Variants in NSFL1C observed in about 807,000 individuals in gnomAD.
The protein encoded by NSFL1C is NSFL1 cofactor p47.
In NSFL1C, 14 loss-of-function variants were observed where a neutral mutation model predicts 43.1. The observed-to-expected ratio is 0.32, with a 90% CI of 0.21 to 0.51. The LOEUF (loss-of-function observed/expected upper bound fraction) is 0.51. NSFL1C is among the 20% of genes least tolerant of loss of function. The pLI, the probability that NSFL1C is intolerant of heterozygous loss-of-function variation, is 0.98. For synonymous variants in NSFL1C, 171 were observed against 183.5 expected (o/e 0.93, Z 0.55); for missense variants, 406 against 472.5 (o/e 0.86, Z 1.30).
At chr20:1,463,027 G>C (rs1792081415) in intron 2 of NSFL1C, among the ~76,000 whole-genome samples, 1 of 152,144 alleles carries the variant, frequency 6.6e-6, no homozygotes, top group Admixed American at 6.5e-5. Context: ...AGGAAAATGA[G>C]GAACTGAAAC....
chr20:1,455,992 T>C (rs555169050), intron 3 of NSFL1C: 2 of 501,720 alleles, frequency 4.0e-6, no homozygotes, highest in Admixed American at 3.2e-5. Context: ...TACTTTTTTA[T>C]ATGGGCCTGA....
At chr20:1,455,604 G>T in intron 3 of NSFL1C, 3 of 774,716 alleles carry the variant, frequency 3.9e-6, no homozygotes. Flanking sequence ...AAGCAGCTAG[G>T]CTCCAGTCTT....
In NSFL1C at chr20:1,466,819, C is replaced by G; in HGVS notation, c.6G>C (p.Ala2=). Residue 2 remains alanine, a synonymous_variant, in exon 1 of 9, where the codon GCG becomes GCC. Coordinates refer to ENST00000216879, the MANE Select transcript of NSFL1C (RefSeq NM_016143.5). ...CCCTCAGCGCCTCCTGTCGCTCCGC[C>G]GCCATCTTCGCCCCGTGCGCCTTCC... M[A]AERQEALREF... 1.3e-6 allele frequency: 2 copies of G among 1,539,120 alleles called. No individual in the cohort carries two copies. The highest frequency in any genetic ancestry group is 1.7e-6 in the Non-Finnish European group (2 of 1,144,994).
intron 1 of NSFL1C, among the ~76,000 whole-genome samples, chr20:1,465,911 A>T (rs2090500003): frequency 6.6e-6 from 1 of 152,346 alleles, no homozygotes; most frequent in East Asian, 1.9e-4. Context: ...TTAAATGACA[A>T]AAGACATGTA....
chr20:1,452,320 C>CA (rs2090197416), intron 7 of NSFL1C, among the ~76,000 whole-genome samples, 173 bp downstream of exon 7: 2 of 152,230 alleles, frequency 1.3e-5, no homozygotes, highest in Non-Finnish European at 2.9e-5. Flanking sequence ...GATATAAACT[C>CA]AGGTCTGTTA....
rs531317319 is a variant in NSFL1C, at chr20:1,442,892, G to T, written c.*857C>A. 2.0e-5 allele frequency: 3 copies of T among 152,252 alleles called. No individual in the cohort carries two copies. The South Asian group carries it at 6.2e-4, about 32-fold the overall frequency. 9.4% of individuals were successfully genotyped at this position (152,252 alleles called of 1,614,324 possible). ...GGCATTTTGACTGTTTATCTTATAG[G>T]GCAAGATACCCTGATTCTGAACTCA... On this transcript the variant is annotated 3_prime_UTR_variant, in exon 9 of 9. Transcript: ENST00000216879.
intron 7 of NSFL1C, among the ~76,000 whole-genome samples, chr20:1,449,761 A>G (rs879393680): frequency 1.3e-5 from 2 of 152,192 alleles, no homozygotes; most frequent in African/African-American, 2.4e-5. Context: ...TACAGGGGGA[A>G]TAAACTGGCA....
At chr20:1,461,146 T>G (rs1033237300) in intron 2 of NSFL1C, among the ~76,000 whole-genome samples, 1 of 152,214 alleles carries the variant, frequency 6.6e-6, no homozygotes, top group Non-Finnish European at 1.5e-5. Context: ...AGAGCTTTGG[T>G]GACTGCTCCT....
At chr20:1,457,722 T>C (rs540823623) in intron 3 of NSFL1C, among the ~76,000 whole-genome samples, 1 of 152,374 alleles carries the variant, frequency 6.6e-6, no homozygotes, top group Non-Finnish European at 1.5e-5. Context: ...GTTAGCATAA[T>C]GTTCTCTATC....
intron 6 of NSFL1C, 77 bp from the exon 7 acceptor site, chr20:1,452,707 C>A: frequency 6.4e-7 from 1 of 1,563,220 alleles, no homozygotes; most frequent in Non-Finnish European, 8.7e-7. Context: ...GGAGAAGAAA[C>A]CTCTCAGTCC....
intron 7 of NSFL1C, among the ~76,000 whole-genome samples, chr20:1,448,554 T>C (rs951696751): frequency 6.6e-6 from 1 of 152,208 alleles, no homozygotes; most frequent in Non-Finnish European, 1.5e-5. Flanking sequence ...TGGACTTGGC[T>C]GTGTAGCTTC....
Position 1,464,370 on chromosome 20 carries a change from C to G in NSFL1C, c.162G>C (p.Ser54=). The change falls in exon 2 of 9, where the codon TCG becomes TCC. Residue 54 remains serine, a synonymous_variant. Transcript: ENST00000216879. Reference sequence around the variant, plus strand: ...TGGACACTGAACTGGGGGTTGCCTGCGAAATGGTCACAATGTCTTCATCCC... The same window carrying G: ...TGGACACTGAACTGGGGGTTGCCTGGGAAATGGTCACAATGTCTTCATCCC... ...DGGDEDIVTI[S]QATPSSVSRG... 1.2e-6 allele frequency: 2 copies of G among 1,614,240 alleles called. No individual in the cohort carries two copies. Among genetic ancestry groups the G allele is most frequent in the African/African-American group, 1.3e-5 (1 of 75,060 alleles).
chr20:1,466,208 G>C (rs1160133603), intron 1 of NSFL1C, among the ~76,000 whole-genome samples: 2 of 152,160 alleles, frequency 1.3e-5, no homozygotes, highest in African/African-American at 4.8e-5. Context: ...CCATTTTACA[G>C]ATAAGTTAAC....
At chr20:1,457,962 TTTCC>T (rs2090336146) in intron 3 of NSFL1C, 5 of 408,522 alleles carry the variant, frequency 1.2e-5, no homozygotes, top group Non-Finnish European at 2.2e-5. Context: ...TGCTAGATCT[TTTCC>T]TTGTTTCCCT....
intron 1 of NSFL1C, 123 bp downstream of exon 1, chr20:1,466,597 C>T: frequency 1.1e-6 from 1 of 913,228 alleles, no homozygotes; most frequent in Non-Finnish European, 1.6e-6. Context: ...GACCATGAGG[C>T]CTGGGTCGGG....
intron 2 of NSFL1C, among the ~76,000 whole-genome samples, chr20:1,459,217 G>A (rs1207241122): frequency 6.6e-6 from 1 of 152,144 alleles, no homozygotes; most frequent in Non-Finnish European, 1.5e-5. Context: ...TGTTGGAGGA[G>A]GGACCTGGAT....
Position 1,466,848 on chromosome 20 carries a change from G to C in NSFL1C, c.-24C>G. On this transcript the variant is annotated 5_prime_UTR_variant, in exon 1 of 9. Transcript: ENST00000216879. The stretch of plus-strand genomic sequence containing the variant: ...ATCTTCGCCCCGTGCGCCTTCCAAA[G>C]CGCTCCGGCGGCCGCCGCACAGGCC... 6.6e-7 allele frequency: 1 copy of C among 1,514,802 alleles called. No individual in the cohort carries two copies. Among genetic ancestry groups the C allele is most frequent in the Non-Finnish European group, 8.8e-7 (1 of 1,134,598 alleles). 93.8% of individuals were successfully genotyped at this position (1,514,802 alleles called of 1,614,324 possible).
intron 3 of NSFL1C, chr20:1,456,967 A>T (rs915446390): frequency 6.6e-6 from 1 of 152,248 alleles, no homozygotes; most frequent in Admixed American, 6.5e-5. Context: ...CAGCAAAACC[A>T]TATTTATATA....
rs773991015 is a variant in NSFL1C at position 1,464,440 on chromosome 20, G to T, written c.106-14C>A. On this transcript the variant is annotated splice_polypyrimidine_tract_variant and intron_variant, in intron 1 of 8. Transcript: ENST00000216879. ...CGCTAGCGCGATCTGAAACAGAGAGGTAGTACCTTGGGACCCTTAAACAGG... is the reference window on the plus strand; with the variant it reads ...CGCTAGCGCGATCTGAAACAGAGAGTTAGTACCTTGGGACCCTTAAACAGG... 2 of 1,611,622 alleles carry T rather than the reference G, an allele frequency of 1.2e-6. No individual in the cohort carries two copies. Among genetic ancestry groups the T allele is most frequent in the Non-Finnish European group, 8.5e-7 (1 of 1,177,642 alleles).
Sources: gnomAD v4.1 joint callset for allele counts (sites outside exome capture counted in the v4.1 genomes callset) on GRCh38, gnomAD v4.1.1 for gene constraint, MANE v1.5 for transcripts, NCBI Gene and HGNC (gene_info 2026-07-23, HGNC 2026-07-21) for gene names.